Variants in SCRG1 observed in about 807,000 individuals in gnomAD.
SCRG1 encodes the protein stimulator of chondrogenesis 1, also known as scrapie-responsive protein 1.
Under a neutral mutation model 7.7 loss-of-function variants are expected in SCRG1, and 3 were observed. That is an observed-to-expected ratio of 0.39 (90% CI 0.18 to 1.01). The LOEUF (loss-of-function observed/expected upper bound fraction) is 1.01. Ranked by LOEUF, SCRG1 falls within the 50% of genes least tolerant of loss-of-function variation. The probability of loss-of-function intolerance (pLI) is 0.36; values close to 1 mark genes in which losing one functional copy is unlikely to be tolerated. For missense variants in SCRG1, 110 were observed against 117.2 expected, an observed-to-expected ratio of 0.94 and a Z score of 0.28; for synonymous variants, 46 against 41.2, an observed-to-expected ratio of 1.12 and a Z score of -0.44.
chr4:173,477,858 T>C, the SCRG1 span, among the ~76,000 whole-genome samples: 3 of 151,934 alleles, frequency 2.0e-5, no homozygotes, highest in Non-Finnish European at 4.4e-5. Flanking sequence ...AGCTTTGACC[T>C]CTCAGTCTCA....
At chr4:173,498,720 A>G in the SCRG1 span, among the ~76,000 whole-genome samples, 1 of 152,134 alleles carries the variant, frequency 6.6e-6, no homozygotes, top group Non-Finnish European at 1.5e-5. Flanking sequence ...TTAATAATAC[A>G]TCTGTATATG....
the SCRG1 span, among the ~76,000 whole-genome samples, chr4:173,476,363 A>AAAAAAAAAAAATATATATATATATAT: frequency 9.1e-5 from 9 of 98,496 alleles, no homozygotes; most frequent in East Asian, 1.5e-3. Flanking sequence ...GGAAAAAAAA[A>AAAAAAAAAAAATATATATATATATAT]ATATATATAT....
chr4:173,448,425 C>A, the SCRG1 span, among the ~76,000 whole-genome samples: 1 of 152,182 alleles, frequency 6.6e-6, no homozygotes, highest in East Asian at 1.9e-4. Flanking sequence ...CTTACCCATC[C>A]GCTCTTGTTG....
At chr4:173,515,201 G>A in the SCRG1 span, among the ~76,000 whole-genome samples, 1 of 152,194 alleles carries the variant, frequency 6.6e-6, no homozygotes, top group Admixed American at 6.5e-5. The surrounding 1 kb of genome is among the most constrained non-coding windows in gnomAD (Gnocchi z 4.6). Context: ...GGAACATACG[G>A]TGCCAGGATT....
the SCRG1 span, among the ~76,000 whole-genome samples, chr4:173,448,124 A>C: frequency 3.3e-5 from 5 of 152,266 alleles, no homozygotes; most frequent in African/African-American, 9.6e-5. Flanking sequence ...CCAACCAAAC[A>C]AACCAAAAAA....
intron 1 of SCRG1, 30 bp from the exon 2 acceptor site, chr4:173,391,458 AAT>A: frequency 6.2e-7 from 1 of 1,608,804 alleles, no homozygotes; most frequent in South Asian, 1.1e-5. Flanking sequence ...AAAATGTGTC[AAT>A]GTTTGTTTTT....
chr4:173,517,109 T>C, the SCRG1 span, among the ~76,000 whole-genome samples: 1 of 151,772 alleles, frequency 6.6e-6, no homozygotes, highest in Admixed American at 6.6e-5. Flanking sequence ...ACTTGGGAGG[T>C]CCCGGCCCCA....
At chr4:173,498,793 T>C in the SCRG1 span, among the ~76,000 whole-genome samples, 731 of 152,308 alleles carry the variant, frequency 4.8e-3, 5 homozygotes, top group African/African-American at 0.017. Flanking sequence ...GAGAGACAGA[T>C]AGAGACAGAA....
the SCRG1 span, among the ~76,000 whole-genome samples, chr4:173,516,925 G>A: frequency 6.6e-6 from 1 of 152,192 alleles, no homozygotes; most frequent in Non-Finnish European, 1.5e-5. Flanking sequence ...GCGGTGATAA[G>A]GTGCTAGAAA....
chr4:173,483,782 TC>T, the SCRG1 span, among the ~76,000 whole-genome samples: 12 of 46,888 alleles, frequency 2.6e-4, 1 homozygote, highest in African/African-American at 6.4e-4. Context: ...ATATGATATA[TC>T]ATATATCATA....
At chr4:173,485,398 A>G in the SCRG1 span, among the ~76,000 whole-genome samples, 1 of 149,818 alleles carries the variant, frequency 6.7e-6, no homozygotes, top group South Asian at 2.1e-4. Flanking sequence ...GCCAACAACA[A>G]GTACCAAACA....
At chr4:173,423,507 A>G in the SCRG1 span, among the ~76,000 whole-genome samples, 1 of 150,232 alleles carries the variant, frequency 6.7e-6, no homozygotes, top group Non-Finnish European at 1.5e-5. Flanking sequence ...AGCGTTTGCT[A>G]AAAAAGTTAA....
chr4:173,431,735 G>C, the SCRG1 span, among the ~76,000 whole-genome samples: 1 of 152,192 alleles, frequency 6.6e-6, no homozygotes, highest in South Asian at 2.1e-4. Context: ...AGGGTCTTCT[G>C]TCTGATCATC....
chr4:173,472,562 T>C, the SCRG1 span, among the ~76,000 whole-genome samples: 1 of 152,174 alleles, frequency 6.6e-6, no homozygotes, highest in South Asian at 2.1e-4. Flanking sequence ...AATGATACAG[T>C]TCCAGTCTAA....
chr4:173,415,157 C>T, the SCRG1 span, among the ~76,000 whole-genome samples: 3 of 152,288 alleles, frequency 2.0e-5, no homozygotes, highest in East Asian at 3.9e-4. Context: ...AATAGTCTCT[C>T]AAAATAGTCA....
intron 1 of SCRG1, among the ~76,000 whole-genome samples, chr4:173,395,768 G>A (rs761996517): frequency 6.6e-6 from 1 of 152,182 alleles, no homozygotes; most frequent in Non-Finnish European, 1.5e-5. Context: ...ACCATTTGGA[G>A]AATATGACTA....
chr4:173,414,899 C>G, the SCRG1 span, among the ~76,000 whole-genome samples: 41 of 152,320 alleles, frequency 2.7e-4, no homozygotes, highest in African/African-American at 9.1e-4. Context: ...TGCGTGCTTG[C>G]TTGCTATAGG....
chr4:173,465,581 G>A, the SCRG1 span, among the ~76,000 whole-genome samples: 1 of 151,164 alleles, frequency 6.6e-6, no homozygotes, highest in Admixed American at 6.6e-5. Flanking sequence ...ATTAAGTTGT[G>A]TTATTTGGCC....
At chr4:173,470,781 C>T in the SCRG1 span, among the ~76,000 whole-genome samples, 9 of 152,120 alleles carry the variant, frequency 5.9e-5, no homozygotes, top group African/African-American at 1.2e-4. Context: ...TACATATGTT[C>T]GTAGTTTAGT....
Sources: gnomAD v4.1 joint callset for allele counts (sites outside exome capture counted in the v4.1 genomes callset) on GRCh38, gnomAD v4.1.1 for gene constraint, Gnocchi (gnomAD v3.1) non-coding constraint, MANE v1.5 for transcripts, NCBI Gene and HGNC (gene_info 2026-07-23, HGNC 2026-07-21) for gene names.